PSMC5: variants seen among roughly 807,000 people sequenced by gnomAD.
PSMC5 encodes proteasome 26S subunit, ATPase 5.
A neutral mutation model predicts 49.1 loss-of-function variants in PSMC5; 11 were observed. That is an observed-to-expected ratio of 0.22 (90% CI 0.14 to 0.37). The LOEUF is 0.37. Among genes scored for constraint, PSMC5 ranks in the 10% least tolerant of loss-of-function variants. The pLI is 1.00. For synonymous variants in PSMC5, 206 were observed against 192.2 expected (o/e 1.07, Z -0.59); for missense variants, 229 against 520.9 (o/e 0.44, Z 5.45).
chr17:63,831,310 T>G lies in PSMC5; in HGVS notation c.871-17T>G, dbSNP rs1162074272. 1 of 1,613,540 alleles carries G rather than the reference T, an allele frequency of 6.2e-7. No individual in the cohort carries two copies. The highest frequency in any genetic ancestry group is 8.5e-7 in the Non-Finnish European group (1 of 1,179,734). ...AGGAAGAGGTTTAGCTGATCCCCACTTGCTTTCTCTGCTCAGGTTATCATG... is the reference window on the plus strand; with the variant it reads ...AGGAAGAGGTTTAGCTGATCCCCACGTGCTTTCTCTGCTCAGGTTATCATG... On this transcript the variant is annotated splice_polypyrimidine_tract_variant and intron_variant, in intron 8 of 11. Transcript: ENST00000310144. The surrounding 1 kb of genome is among the most constrained non-coding windows in gnomAD (Gnocchi z 6.3).
rs1258104232 is a variant in PSMC5 at position 63,831,467 on chromosome 17, G to A, written c.970-39G>A. 2 of 1,612,050 alleles carry A rather than the reference G, an allele frequency of 1.2e-6. No homozygotes were observed. Among genetic ancestry groups the A allele is most frequent in the African/African-American group, 1.3e-5 (1 of 74,882 alleles). On this transcript the variant is annotated intron_variant, in intron 9 of 11. Transcript: ENST00000310144. The surrounding 1 kb of genome is among the most constrained non-coding windows in gnomAD (Gnocchi z 6.3). ...GTGCAAAGTGGCTCTGGCTGTGGGG[G>A]TGGGGTGTGGGGCTCAGGCTTTTCC... is the stretch of plus-strand genomic sequence containing the variant.
At position 63,831,667 on chromosome 17, in the gene PSMC5, C is replaced by T. The variant is rs1389144362; in HGVS notation, c.1080+51C>T. On this transcript the variant is annotated intron_variant, in intron 10 of 11. Transcript: ENST00000310144. The surrounding 1 kb of genome is among the most constrained non-coding windows in gnomAD (Gnocchi z 6.3). ...GGGCAGAGGCAGGAAGCTCTGGGCTCAAGGGCCACAGATGAGGGGCACAGC... is the reference window on the plus strand; with the variant it reads ...GGGCAGAGGCAGGAAGCTCTGGGCTTAAGGGCCACAGATGAGGGGCACAGC... 6.2e-7 allele frequency: 1 copy of T among 1,613,100 alleles called. No individual in the cohort carries two copies. Among genetic ancestry groups the T allele is most frequent in the Non-Finnish European group, 8.5e-7 (1 of 1,179,212 alleles).
intron 2 of PSMC5, chr17:63,828,834 T>C (rs2040145646): frequency 1.3e-5 from 2 of 154,062 alleles, no homozygotes; most frequent in African/African-American, 4.8e-5. Flanking sequence ...TACGGTAGGC[T>C]GTTAGTAGTT....
In PSMC5 at chr17:63,830,876, C is replaced by T. The variant is rs749452987; in HGVS notation, c.620C>T (p.Thr207Met). ...TTGGCCCGGGCTGTGGCTCATCATA[C>T]GGACTGTACCTTTATTCGTGTCTCT... ...TLLARAVAHH[T>M]DCTFIRVSGS... The change falls in exon 7 of 12, where the codon ACG (threonine) becomes ATG (methionine). Residue 207 changes from threonine (T) to methionine (M), a missense_variant. Coordinates refer to ENST00000310144, the MANE Select transcript of PSMC5 (RefSeq NM_002805.6). This position sits in a 1 kb window ranked among gnomAD's most constrained non-coding sequence, Gnocchi z 4.0. 2.5e-6 allele frequency: 4 copies of T among 1,613,950 alleles called. No homozygotes were observed. The highest frequency in any genetic ancestry group is 1.7e-5 in the Admixed American group (1 of 60,010).
At chr17:63,829,384 G>A in intron 2 of PSMC5, 110 bp from the exon 3 acceptor site, 1 of 905,138 alleles carries the variant, frequency 1.1e-6, no homozygotes, top group Non-Finnish European at 1.8e-6. Context: ...ACATGCAGGT[G>A]CCCTGTGCCC....
In PSMC5 at chr17:63,830,786, T is replaced by C. The variant is rs1027877468; in HGVS notation, c.553-23T>C. ...AAATGAGGGGTGTAGCTTTCTGCCC[T>C]GAGTCCTGCTGTTCCCCTGTAGGGA... On this transcript the variant is annotated intron_variant, in intron 6 of 11. Transcript: ENST00000310144. This position sits in a 1 kb window ranked among gnomAD's most constrained non-coding sequence, Gnocchi z 4.0. The C allele has an allele frequency of 1.2e-6, 2 of 1,613,432 alleles. No individual in the cohort carries two copies. The highest frequency in any genetic ancestry group is 1.7e-6 in the Non-Finnish European group (2 of 1,179,704).
chr17:63,831,154 C>G lies in PSMC5; in HGVS notation c.798C>G (p.Asp266Glu). Residue 266 changes from aspartate (D) to glutamate (E), a missense_variant, in exon 8 of 12, where the codon GAC becomes GAG. Physicochemically the swap from Asp to Glu is conservative, Grantham distance 45 (BLOSUM62 2). Coordinates refer to ENST00000310144, the MANE Select transcript of PSMC5 (RefSeq NM_002805.6). The surrounding 1 kb of genome is among the most constrained non-coding windows in gnomAD (Gnocchi z 6.3). Reference sequence around the variant, plus strand: ...GGCTGGAGGGGGGTTCTGGAGGGGACAGTGAAGTGCAGCGCACGATGCTGG... The same window carrying G: ...GGCTGGAGGGGGGTTCTGGAGGGGAGAGTGAAGTGCAGCGCACGATGCTGG... ...SSRLEGGSGG[D>E]SEVQRTMLEL... 1 of 1,562,426 alleles carries G rather than the reference C, an allele frequency of 6.4e-7. No individual in the cohort carries two copies. Among genetic ancestry groups the G allele is most frequent in the Non-Finnish European group, 8.7e-7 (1 of 1,154,000 alleles).
chr17:63,827,497 C>G lies in PSMC5; in HGVS notation c.7C>G (p.Leu3Val), dbSNP rs1483251327. ...TCTCTGCTGAAGAGAGAAGATGGCG[C>G]TTGACGGACCAGAGCAGGTATGGCG... The part of the protein sequence containing the change: MA[L>V]DGPEQMELEE... The change falls in exon 1 of 12, where the codon CTT becomes GTT. Residue 3 changes from leucine (L) to valine (V), a missense_variant. This residue lies in a region of PSMC5 where 98 missense variants were observed against 144.0 expected (regional missense o/e 0.68). Transcript: ENST00000310144. The G allele has an allele frequency of 7.1e-6, 11 of 1,551,640 alleles. No individual in the cohort carries two copies. The highest frequency in any genetic ancestry group is 8.7e-6 in the Non-Finnish European group (10 of 1,147,014).
In PSMC5 at chr17:63,827,454, C is replaced by G. The variant is rs969302567; in HGVS notation, c.-37C>G. 1.9e-6 allele frequency: 3 copies of G among 1,551,632 alleles called. No individual in the cohort carries two copies. Among genetic ancestry groups the G allele is most frequent in the South Asian group, 2.4e-5 (2 of 84,074 alleles). On this transcript the variant is annotated 5_prime_UTR_variant, in exon 1 of 12. Coordinates refer to ENST00000310144, the MANE Select transcript of PSMC5 (RefSeq NM_002805.6). ...CCGCTTCCGCGCTTGCGCGCCAAGACGGCTCGGATGCCGGCGGTCTCTGCT... is the reference window on the plus strand; with the variant it reads ...CCGCTTCCGCGCTTGCGCGCCAAGAGGGCTCGGATGCCGGCGGTCTCTGCT...
At chr17:63,829,246 C>G (rs1475513972) in intron 2 of PSMC5, 3 of 419,886 alleles carry the variant, frequency 7.1e-6, no homozygotes, top group Non-Finnish European at 1.3e-5. Flanking sequence ...TAACTTTTCT[C>G]CATTAGATTC....
chr17:63,831,699 GCCT>G lies in PSMC5; in HGVS notation c.1081-23_1081-21del. On this transcript the variant is annotated intron_variant, in intron 10 of 11. Coordinates refer to ENST00000310144, the MANE Select transcript of PSMC5 (RefSeq NM_002805.6). The surrounding 1 kb of genome is among the most constrained non-coding windows in gnomAD (Gnocchi z 6.3). ...CACAGATGAGGGGCACAGCAGTGGG[GCCT>G]CAATTTCCTTTTCCTGTTCAGGGCG... 6.2e-7 allele frequency: 1 copy of G among 1,613,974 alleles called. No homozygotes were observed. Among genetic ancestry groups the G allele is most frequent in the African/African-American group, 1.3e-5 (1 of 75,032 alleles).
rs572993797 is a variant in PSMC5 at position 63,831,472 on chromosome 17, G to A, written c.970-34G>A. 4.7e-5 allele frequency: 75 copies of A among 1,612,720 alleles called. 2 individuals carry two copies. The South Asian group carries it at 6.4e-4, about 14-fold the overall frequency. ...AAGTGGCTCTGGCTGTGGGGGTGGG[G>A]TGTGGGGCTCAGGCTTTTCCTTGCC... On this transcript the variant is annotated intron_variant, in intron 9 of 11. Coordinates refer to ENST00000310144, the MANE Select transcript of PSMC5 (RefSeq NM_002805.6). The surrounding 1 kb of genome is among the most constrained non-coding windows in gnomAD (Gnocchi z 6.3).
At position 63,830,953 on chromosome 17, in the gene PSMC5, T is replaced by C. The variant is rs1177815519; in HGVS notation, c.679+18T>C. 7 of 1,613,726 alleles carry C rather than the reference T, an allele frequency of 4.3e-6. No individual in the cohort carries two copies. The highest frequency in any genetic ancestry group is 1.6e-4 in the Middle Eastern group (1 of 6,084). ...AGGGGAAGGTAACCATGGCTAGCAATGTGAGAAGCAAGAGGTAGGGGTAGG... is the reference window on the plus strand; with the variant it reads ...AGGGGAAGGTAACCATGGCTAGCAACGTGAGAAGCAAGAGGTAGGGGTAGG... On this transcript the variant is annotated intron_variant, in intron 7 of 11. Transcript: ENST00000310144. This position sits in a 1 kb window ranked among gnomAD's most constrained non-coding sequence, Gnocchi z 4.0.
chr17:63,830,978 G>C lies in PSMC5; in HGVS notation c.679+43G>C. 5.0e-6 allele frequency: 8 copies of C among 1,612,992 alleles called. No homozygotes were observed. The South Asian group carries it at 7.7e-5, about 16-fold the overall frequency. On this transcript the variant is annotated intron_variant, in intron 7 of 11. Coordinates refer to ENST00000310144, the MANE Select transcript of PSMC5 (RefSeq NM_002805.6). The surrounding 1 kb of genome is among the most constrained non-coding windows in gnomAD (Gnocchi z 4.0). ...TGTGAGAAGCAAGAGGTAGGGGTAGGGGGTTAGAGAGCTAATAAGCTAATA... is the reference window on the plus strand; with the variant it reads ...TGTGAGAAGCAAGAGGTAGGGGTAGCGGGTTAGAGAGCTAATAAGCTAATA...
At position 63,827,938 on chromosome 17, in the gene PSMC5, C is replaced by T. The variant is rs567786986; in HGVS notation, c.25-200C>T. On this transcript the variant is annotated intron_variant, in intron 1 of 11. Coordinates refer to ENST00000310144, the MANE Select transcript of PSMC5 (RefSeq NM_002805.6). ...AGTCGTATGAGGTAGGCGGCGTTCC[C>T]ATTCTTTTATTTTAGTCCTGGGAAA... The T allele has an allele frequency of 5.8e-5, 77 of 1,334,758 alleles. No individual in the cohort carries two copies. The South Asian group carries it at 1.1e-3, about 19-fold the overall frequency. The allele number at this position is 1,334,758 out of a possible 1,614,324, so 82.7% of individuals were successfully genotyped here. A position where few individuals can be genotyped will look rare whatever the true frequency, so the allele number is the denominator to read the frequency against.
In PSMC5 at chr17:63,830,695, CTTTTT is replaced by C. The variant is rs55833669; in HGVS notation, c.553-106_553-102del. On this transcript the variant is annotated intron_variant, in intron 6 of 11. Coordinates refer to ENST00000310144, the MANE Select transcript of PSMC5 (RefSeq NM_002805.6). This position sits in a 1 kb window ranked among gnomAD's most constrained non-coding sequence, Gnocchi z 4.0. ...TTGGATAGAAGGGACCTTGATGTTC[CTTTTT>C]TTTTTTTGTATCCCTAACATCTAGC... 1 of 1,056,148 alleles carries C rather than the reference CTTTTT, an allele frequency of 9.5e-7. No homozygotes were observed. Among genetic ancestry groups the C allele is most frequent in the South Asian group, 2.2e-5 (1 of 46,384 alleles). The allele number at this position is 1,056,148 out of a possible 1,614,324, so 65.4% of individuals were successfully genotyped here.
chr17:63,829,684 T>G, intron 3 of PSMC5, 121 bp downstream of exon 3: 1 of 1,215,846 alleles, frequency 8.2e-7, no homozygotes, highest in South Asian at 1.3e-5. Context: ...TCTAGTAGTT[T>G]CACATGCATC....
In PSMC5 at chr17:63,830,204, T is replaced by TGAG. The variant is rs1164539421; in HGVS notation, c.321+17_321+19dup. 6.2e-7 allele frequency: 1 copy of TGAG among 1,613,862 alleles called. No individual in the cohort carries two copies. The highest frequency in any genetic ancestry group is 1.7e-5 in the Admixed American group (1 of 59,990). ...ACATCAATGATGTGAGTGTAGCAGG[T>TGAG]GAGGTGGTGGTGGTGGTGGGGTCAG... On this transcript the variant is annotated intron_variant, in intron 5 of 11. Coordinates refer to ENST00000310144, the MANE Select transcript of PSMC5 (RefSeq NM_002805.6). This position sits in a 1 kb window ranked among gnomAD's most constrained non-coding sequence, Gnocchi z 4.0.
intron 3 of PSMC5, 131 bp from the exon 4 acceptor site, chr17:63,829,721 T>C: frequency 8.2e-7 from 1 of 1,223,638 alleles, no homozygotes; most frequent in Non-Finnish European, 1.2e-6. Flanking sequence ...TATTGTAGCC[T>C]CCTTAAATAC....
Sources: gnomAD v4.1 joint callset for allele counts on GRCh38, gnomAD v4.1.1 for gene constraint, gnomAD v4.1.1 regional missense constraint, Gnocchi (gnomAD v3.1) non-coding constraint, MANE v1.5 for transcripts, NCBI Gene and HGNC (gene_info 2026-07-23, HGNC 2026-07-21) for gene names.